LRP1B: variants seen among roughly 807,000 people sequenced by gnomAD.
The protein encoded by LRP1B is LDL receptor related protein 1B, also known as low-density lipoprotein receptor-related protein 1B.
LRP1B carries 217 observed loss-of-function variants against 556.6 expected under a neutral mutation model. That is an observed-to-expected ratio of 0.39 (90% CI 0.35 to 0.44). The LOEUF (loss-of-function observed/expected upper bound fraction) is 0.44. LRP1B is among the 20% of genes least tolerant of loss of function. LRP1B has a pLI of 1.00. For synonymous variants in LRP1B, 2,047 were observed against 1,865.8 expected (o/e 1.10, Z -2.50); for missense variants, 5,053 against 5,620.8 (o/e 0.90, Z 3.23).
intron 41 of LRP1B, among the ~76,000 whole-genome samples, chr2:140,680,357 C>T (rs1323419509): frequency 1.4e-5 from 2 of 145,678 alleles, no homozygotes; most frequent in Non-Finnish European, 3.0e-5. Flanking sequence ...GAAATAAGCT[C>T]CCTTTTTTCC....
Position 142,064,597 on chromosome 2 carries a change from T to A in LRP1B, c.82+66051A>T, listed in dbSNP as rs113202484. Among the ~76,000 whole-genome samples, 50 of 151,608 alleles carry A rather than the reference T, an allele frequency of 3.3e-4. 2 individuals are homozygous for A. Among genetic ancestry groups the A allele is most frequent in the African/African-American group, 1.2e-3 (49 of 41,478 alleles). On this transcript the variant is annotated intron_variant, in intron 1 of 90. Coordinates refer to ENST00000389484, the MANE Select transcript of LRP1B (RefSeq NM_018557.3). ...AATGCACACTTCTTCCTGTCTTTCC[T>A]TAAATGGTATGATATTCTGCAACTA...
At chr2:140,961,826 A>C (rs1407459150) in intron 18 of LRP1B, among the ~76,000 whole-genome samples, 3 of 152,164 alleles carry the variant, frequency 2.0e-5, no homozygotes, top group African/African-American at 7.2e-5. Context: ...AGAGGAAGTC[A>C]AGAGAGGAGT....
At chr2:140,497,644 G>T (rs1021868094) in intron 55 of LRP1B, among the ~76,000 whole-genome samples, 2 of 151,896 alleles carry the variant, frequency 1.3e-5, no homozygotes, top group Non-Finnish European at 2.9e-5. Context: ...GTTGAATCAA[G>T]AGTCACTTTA....
intron 66 of LRP1B, among the ~76,000 whole-genome samples, chr2:140,431,867 C>T (rs1364807348): frequency 1.3e-5 from 2 of 152,154 alleles, no homozygotes; most frequent in Non-Finnish European, 2.9e-5. Context: ...GCCCCTAATC[C>T]CTCTCGAAGC....
chr2:140,944,143 T>G (rs575177678), intron 20 of LRP1B, among the ~76,000 whole-genome samples: 1 of 152,222 alleles, frequency 6.6e-6, no homozygotes, highest in African/African-American at 2.4e-5. Context: ...TATGAACACC[T>G]CTGTGTGTAC....
intron 60 of LRP1B, among the ~76,000 whole-genome samples, chr2:140,469,571 T>C (rs1024566485): frequency 6.6e-6 from 1 of 152,236 alleles, no homozygotes; most frequent in Non-Finnish European, 1.5e-5. Flanking sequence ...CTTTCTTTTA[T>C]AGTAATTATA....
chr2:141,314,863 TATACATATATAC>T (rs1382634761), intron 3 of LRP1B, among the ~76,000 whole-genome samples: 7 of 142,688 alleles, frequency 4.9e-5, no homozygotes, highest in Non-Finnish European at 9.1e-5. Flanking sequence ...TATACATATA[TATACATATATAC>T]ATACATATAT....
At chr2:140,506,291 C>CTGGAGTCTCACTCTGTCACCCAGGT (rs1689409338) in intron 53 of LRP1B, among the ~76,000 whole-genome samples, 1 of 152,056 alleles carries the variant, frequency 6.6e-6, no homozygotes, top group African/African-American at 2.4e-5. Context: ...GTCACCCAGG[C>CTGGAGTCTCACTCTGTCACCCAGGT]TGGAGTGCAG....
intron 4 of LRP1B, among the ~76,000 whole-genome samples, chr2:141,247,968 G>A (rs1573708563): frequency 6.6e-6 from 1 of 152,104 alleles, no homozygotes; most frequent in South Asian, 2.1e-4. Context: ...AGCACTTTGG[G>A]AGGCCTTGGT....
At chr2:140,654,936 T>C (rs914648436) in intron 41 of LRP1B, among the ~76,000 whole-genome samples, 1 of 152,126 alleles carries the variant, frequency 6.6e-6, no homozygotes, top group African/African-American at 2.4e-5. Context: ...ATCATTACTG[T>C]CAAATGATAT....
intron 1 of LRP1B, among the ~76,000 whole-genome samples, chr2:141,968,163 A>G (rs1009451388): frequency 2.6e-5 from 4 of 151,862 alleles, no homozygotes; most frequent in Non-Finnish European, 5.9e-5. Flanking sequence ...ACTTTATTCC[A>G]GTAACATATT....
At chr2:141,142,241 GT>G (rs1422257728) in intron 7 of LRP1B, among the ~76,000 whole-genome samples, 1 of 152,162 alleles carries the variant, frequency 6.6e-6, no homozygotes, top group East Asian at 1.9e-4. Context: ...TTGAGAAGAG[GT>G]TGCCGTGTTG....
At chr2:141,886,640 T>C (rs928889325) in intron 1 of LRP1B, among the ~76,000 whole-genome samples, 2 of 152,180 alleles carry the variant, frequency 1.3e-5, no homozygotes, top group African/African-American at 2.4e-5. Context: ...CTGCCAAATA[T>C]ATATATCTGA....
At chr2:141,102,534 T>C (rs1700488999) in intron 7 of LRP1B, among the ~76,000 whole-genome samples, 1 of 152,060 alleles carries the variant, frequency 6.6e-6, no homozygotes. Flanking sequence ...TCAGAAATCT[T>C]ATCAGATTCT....
intron 1 of LRP1B, among the ~76,000 whole-genome samples, chr2:141,854,875 TAGAC>T (rs1446982516): frequency 6.6e-6 from 1 of 152,028 alleles, no homozygotes; most frequent in Non-Finnish European, 1.5e-5. Flanking sequence ...ATTCTTTTGA[TAGAC>T]AGATAAAAAG....
intron 2 of LRP1B, among the ~76,000 whole-genome samples, chr2:141,543,661 G>A (rs2105214389): frequency 6.6e-6 from 1 of 151,674 alleles, no homozygotes; most frequent in African/African-American, 2.4e-5. Context: ...GGGATTCAAG[G>A]TTACAGTGAA....
chr2:140,646,850 CAT>C (rs1482190531), intron 41 of LRP1B, among the ~76,000 whole-genome samples: 1 of 151,790 alleles, frequency 6.6e-6, no homozygotes, highest in Non-Finnish European at 1.5e-5. Context: ...ATGTAATAGA[CAT>C]ATGTACTTTT....
chr2:141,803,364 C>A (rs888855719), intron 2 of LRP1B, among the ~76,000 whole-genome samples: 1 of 151,844 alleles, frequency 6.6e-6, no homozygotes, highest in African/African-American at 2.4e-5. Flanking sequence ...CACAATTACA[C>A]TGATCCCCAC....
chr2:141,268,830 T>C (rs1684985085), intron 3 of LRP1B, among the ~76,000 whole-genome samples: 1 of 152,056 alleles, frequency 6.6e-6, no homozygotes, highest in Non-Finnish European at 1.5e-5. Context: ...AAATTACAAA[T>C]TGGAGAAATA....
Sources: gnomAD v4.1 joint callset for allele counts (sites outside exome capture counted in the v4.1 genomes callset) on GRCh38, gnomAD v4.1.1 for gene constraint, MANE v1.5 for transcripts, NCBI Gene and HGNC (gene_info 2026-07-23, HGNC 2026-07-21) for gene names.